The following TMC6 variants were observed in gnomAD, a reference collection of about 807,000 sequenced individuals.
TMC6 encodes the protein transmembrane channel-like protein 6.
Under a neutral mutation model 95.4 loss-of-function variants are expected in TMC6, and 71 were observed. The ratio of observed to expected loss-of-function variants is 0.74; its 90% confidence interval spans 0.61 to 0.91. The LOEUF is 0.91. Among genes scored for constraint, TMC6 ranks in the 40% least tolerant of loss-of-function variants. The pLI, the probability that TMC6 is intolerant of heterozygous loss-of-function variation, is 0.00. For missense variants in TMC6, 1,074 were observed against 1,079.1 expected (o/e 1.00, Z 0.07); for synonymous variants, 514 against 483.1 (o/e 1.06, Z -0.84).
intron 16 of TMC6, 70 bp from the exon 17 acceptor site, chr17:78,117,714 T>C (rs2074200225): frequency 6.4e-7 from 1 of 1,559,320 alleles, no homozygotes. Flanking sequence ...CAGCCCGTCC[T>C]CTGCACCCCT....
upstream of TMC6, among the ~76,000 whole-genome samples, chr17:78,129,123 C>T (rs543413534): frequency 0.082 from 12,340 of 151,378 alleles, 561 homozygotes; most frequent in Middle Eastern, 0.13. The surrounding 1 kb of genome is among the most constrained non-coding windows in gnomAD (Gnocchi z 4.3). Flanking sequence ...AGCGCCCCCC[C>T]CCCCGCCGCC....
Position 78,126,771 on chromosome 17 carries a change from G to C in TMC6, c.56+6C>G. ...AGCCTCCAGCCCCCAGCCCCAGAGC[G>C]CTTACCCCTGGTCCCCTGGGGTCTC... On this transcript the variant is annotated splice_donor_region_variant and intron_variant, in intron 2 of 19. Coordinates refer to ENST00000590602, the MANE Select transcript of TMC6 (RefSeq NM_001127198.5). The C allele has an allele frequency of 1.2e-6, 2 of 1,613,014 alleles. No homozygotes were observed. Among genetic ancestry groups the C allele is most frequent in the Non-Finnish European group, 1.7e-6 (2 of 1,179,758 alleles).
rs1212886123 is a variant in TMC6, at chr17:78,128,333, C to CCCCCT, written c.-75+274_-75+278dup. On this transcript the variant is annotated intron_variant, in intron 1 of 19. Coordinates refer to ENST00000590602, the MANE Select transcript of TMC6 (RefSeq NM_001127198.5). The surrounding 1 kb of genome is among the most constrained non-coding windows in gnomAD (Gnocchi z 4.0). ...CCCGCCCCTTCCCATCCCGGCCACA[C>CCCCCT]CCCCTCCCCTCCCCTCCCCGTGCCC... Among the ~76,000 whole-genome samples, 6 of 151,986 alleles carry CCCCCT rather than the reference C, an allele frequency of 3.9e-5. No individual in the cohort carries two copies. The highest frequency in any genetic ancestry group is 8.8e-5 in the Non-Finnish European group (6 of 67,968).
Position 78,125,671 on chromosome 17 carries a change from G to A in TMC6, c.430+55C>T. ...ACCGCCCAGGCCAGGCTGGCCTCTT[G>A]CACCCCACCCCAGGCCGGTGTCCGC... On this transcript the variant is annotated intron_variant, in intron 5 of 19. Transcript: ENST00000590602. The A allele has an allele frequency of 5.2e-6, 8 of 1,546,554 alleles. No individual in the cohort carries two copies. In the Middle Eastern group the frequency reaches 1.5e-3, roughly 291 times the overall value.
chr17:78,123,368 T>C (rs989092612), intron 9 of TMC6, among the ~76,000 whole-genome samples: 3 of 151,902 alleles, frequency 2.0e-5, no homozygotes, highest in African/African-American at 4.8e-5. Flanking sequence ...GATGAATAAA[T>C]GTGTGGGTGG....
intron 15 of TMC6, 72 bp from the exon 16 acceptor site, chr17:78,118,007 A>C: frequency 6.4e-7 from 1 of 1,553,640 alleles, no homozygotes; most frequent in South Asian, 1.2e-5. Flanking sequence ...GGGGGAGCTC[A>C]AGAGGGAAGG....
rs1229668994 is a variant in TMC6 at position 78,109,416 on chromosome 17, TCGG to T, written c.*3729_*3731del. 6.6e-6 allele frequency: 3 copies of T among 456,316 alleles called. No homozygotes were observed. In the East Asian group the frequency reaches 2.1e-4, roughly 32 times the overall value. 28.3% of individuals were successfully genotyped at this position (456,316 alleles called of 1,614,324 possible). Reference sequence around the variant, plus strand: ...GCTTAGCTCTGCATATCAGTGCTTCTCGGCGGAGCTGTGGCTGATGGGCTCCTG... The same window carrying T: ...GCTTAGCTCTGCATATCAGTGCTTCTCGGAGCTGTGGCTGATGGGCTCCTG... On this transcript the variant is annotated 3_prime_UTR_variant, in exon 20 of 20. Coordinates refer to ENST00000590602, the MANE Select transcript of TMC6 (RefSeq NM_001127198.5).
chr17:78,123,362 A>G (rs1488645773), intron 9 of TMC6, among the ~76,000 whole-genome samples: 1 of 151,658 alleles, frequency 6.6e-6, no homozygotes, highest in Non-Finnish European at 1.5e-5. Context: ...TGGATGGATG[A>G]ATAAATGTGT....
rs1414642888 is a variant in TMC6, at chr17:78,108,107, A to G, written c.*5041T>C. On this transcript the variant is annotated 3_prime_UTR_variant, in exon 20 of 20. Coordinates refer to ENST00000590602, the MANE Select transcript of TMC6 (RefSeq NM_001127198.5). Reference sequence around the variant, plus strand: ...TGGTGTTACAGACAGGCCTCTGAAGACAAACCGAGCACCCCAGCGGCCCCT... The same window carrying G: ...TGGTGTTACAGACAGGCCTCTGAAGGCAAACCGAGCACCCCAGCGGCCCCT... 6.6e-6 allele frequency: 1 copy of G among 152,222 alleles called. No individual in the cohort carries two copies. The highest frequency in any genetic ancestry group is 1.5e-5 in the Non-Finnish European group (1 of 68,098). 9.4% of individuals were successfully genotyped at this position (152,222 alleles called of 1,614,324 possible). A position where few individuals can be genotyped will look rare whatever the true frequency, so the allele number is the denominator to read the frequency against.
chr17:78,119,479 C>T lies in TMC6; in HGVS notation c.1716-87G>A, dbSNP rs559511948. On this transcript the variant is annotated intron_variant, in intron 13 of 19. Coordinates refer to ENST00000590602, the MANE Select transcript of TMC6 (RefSeq NM_001127198.5). ...TCCCCACACCCAGAGGCACCCCGCC[C>T]CCAGCCAGGGGACATCCTGGCCGTT... The T allele has an allele frequency of 9.4e-5, 127 of 1,352,248 alleles. 1 individual carries two copies. The highest frequency in any genetic ancestry group is 4.7e-4 in the South Asian group (40 of 84,394). 83.8% of individuals were successfully genotyped at this position (1,352,248 alleles called of 1,614,324 possible). A position where few individuals can be genotyped will look rare whatever the true frequency, so the allele number is the denominator to read the frequency against.
Position 78,122,353 on chromosome 17 carries a change from G to A in TMC6, c.1227+252C>T, listed in dbSNP as rs1482079480. ...TCAGGGCTGGCTCCCGGGTGCCCAC[G>A]GGGCCATGGCGCTACTACGCGCTAG... On this transcript the variant is annotated intron_variant, in intron 10 of 19. Transcript: ENST00000590602. This position sits in a 1 kb window ranked among gnomAD's most constrained non-coding sequence, Gnocchi z 4.9. Among the ~76,000 whole-genome samples the A allele has an allele frequency of 6.6e-6, 1 of 152,010 alleles. No individual in the cohort carries two copies. Among genetic ancestry groups the A allele is most frequent in the African/African-American group, 2.4e-5 (1 of 41,408 alleles).
rs767750957 is a variant in TMC6 at position 78,125,221 on chromosome 17, A to G, written c.473T>C (p.Val158Ala). ...GCGAAGCATGTGGTCCCGCTGTGCC[A>G]CTGCCAGGCTCTGGAGCTCCTTCAC... Reference protein sequence around the residue: ...LLVKELQSLAVAQRDHMLRGM... With the variant: ...LLVKELQSLAAAQRDHMLRGM... Residue 158 changes from valine to alanine, a missense_variant, in exon 6 of 20, where the codon GTG (valine) becomes GCG (alanine). By Grantham distance (64) the Val-to-Ala change is moderately conservative. Transcript: ENST00000590602. 5.7e-6 allele frequency: 9 copies of G among 1,590,580 alleles called. No homozygotes were observed. In the South Asian group the frequency reaches 1.0e-4, roughly 18 times the overall value.
upstream of TMC6, chr17:78,132,020 C>T (rs912770643): frequency 1.1e-5 from 17 of 1,533,588 alleles, no homozygotes; most frequent in East Asian, 2.0e-4. Flanking sequence ...GGGCGCTCTA[C>T]GAGATCGGGG....
At position 78,107,958 on chromosome 17, in the gene TMC6, G is replaced by A. The variant is rs191467954; in HGVS notation, c.*5190C>T. On this transcript the variant is annotated 3_prime_UTR_variant, in exon 20 of 20. Transcript: ENST00000590602. The stretch of plus-strand genomic sequence containing the variant: ...TTTCACCAAGCACTTTGAGCACAGT[G>A]GAACTTCAGAAGCACAACCAGCCTA... 38 of 152,316 alleles carry A rather than the reference G, an allele frequency of 2.5e-4. 1 individual carries two copies. Among genetic ancestry groups the A allele is most frequent in the Admixed American group, 1.6e-3 (24 of 15,296 alleles). The allele number at this position is 152,316 out of a possible 1,614,324, so 9.4% of individuals were successfully genotyped here.
Position 78,121,154 on chromosome 17 carries a change from G to C in TMC6, c.1394C>G (p.Ala465Gly), listed in dbSNP as rs779827771. 6.3e-7 allele frequency: 1 copy of C among 1,595,016 alleles called. No homozygotes were observed. The highest frequency in any genetic ancestry group is 2.3e-5 in the East Asian group (1 of 43,666). The change falls in exon 12 of 20, where the codon GCT becomes GGT. Residue 465 changes from alanine to glycine, a missense_variant. Transcript: ENST00000590602. The surrounding 1 kb of genome is among the most constrained non-coding windows in gnomAD (Gnocchi z 5.6). ...CAGCAGCACAGCCTCCTGGCCAGCA[G>C]CCTCTGGACTCTGCAGGGGTGCAGG... ...FSEFMIQSPE[A>G]AGQEAVLLVL...
At chr17:78,132,057 C>A, upstream of TMC6, 1 of 1,534,828 alleles carries the variant, frequency 6.5e-7, no homozygotes, top group South Asian at 1.2e-5. Flanking sequence ...CCGCACCTCC[C>A]CTTGCCCTCT....
Position 78,111,731 on chromosome 17 carries a change from A to T in TMC6, c.*1417T>A, listed in dbSNP as rs965924828. 6.9e-5 allele frequency: 12 copies of T among 174,068 alleles called. No individual in the cohort carries two copies. Among genetic ancestry groups the T allele is most frequent in the African/African-American group, 2.9e-4 (12 of 41,604 alleles). 10.8% of individuals were successfully genotyped at this position (174,068 alleles called of 1,614,324 possible). ...AGACCCAGCGTGGGGGTCTGCTAGC[A>T]GCCAGTGGCATCTCCATCTGGGTCT... On this transcript the variant is annotated 3_prime_UTR_variant, in exon 20 of 20. Coordinates refer to ENST00000590602, the MANE Select transcript of TMC6 (RefSeq NM_001127198.5).
Position 78,119,362 on chromosome 17 carries a change from C to A in TMC6, c.1746G>T (p.Arg582Ser). The A allele has an allele frequency of 6.2e-7, 1 of 1,614,066 alleles. No homozygotes were observed. The highest frequency in any genetic ancestry group is 8.5e-7 in the Non-Finnish European group (1 of 1,180,034). ...GGGCAATGTCAAACTCCGGCTTCCG[C>A]CTCCTCTTCAGCTTCTTCTCGGAGA... is the stretch of plus-strand genomic sequence containing the variant. The part of the protein sequence containing the change: ...RIISEKKLKR[R>S]RKPEFDIARN... The change falls in exon 14 of 20, where the codon AGG (arginine) becomes AGT (serine). Residue 582 changes from arginine (R) to serine (S), a missense_variant. By Grantham distance (110) the Arg-to-Ser change is moderately radical. Coordinates refer to ENST00000590602, the MANE Select transcript of TMC6 (RefSeq NM_001127198.5).
rs2074717729 is a variant in TMC6 at position 78,126,382 on chromosome 17, G to T, written c.182-16C>A. Reference sequence around the variant, plus strand: ...TGGCTACTTCCTACAAAGCAAGAAAGACTCACCAGGGGTCCTGGAGATGCC... The same window carrying T: ...TGGCTACTTCCTACAAAGCAAGAAATACTCACCAGGGGTCCTGGAGATGCC... On this transcript the variant is annotated splice_polypyrimidine_tract_variant and intron_variant, in intron 3 of 19. Transcript: ENST00000590602. 4 of 1,597,436 alleles carry T rather than the reference G, an allele frequency of 2.5e-6. No homozygotes were observed. The highest frequency in any genetic ancestry group is 1.3e-5 in the African/African-American group (1 of 74,802).
Sources: gnomAD v4.1 joint callset for allele counts (sites outside exome capture counted in the v4.1 genomes callset) on GRCh38, gnomAD v4.1.1 for gene constraint, Gnocchi (gnomAD v3.1) non-coding constraint, MANE v1.5 for transcripts, NCBI Gene and HGNC (gene_info 2026-07-23, HGNC 2026-07-21) for gene names.